Variants in FERRY3 observed in about 807,000 individuals in gnomAD.
FERRY3 encodes the protein FERRY endosomal RAB5 effector complex subunit 3.
the FERRY3 span, among the ~76,000 whole-genome samples, chr12:4,495,571 G>A: frequency 1.3e-5 from 2 of 152,246 alleles, no homozygotes; most frequent in Admixed American, 1.3e-4. Flanking sequence ...CCCACAAATA[G>A]AATACATATT....
At chr12:4,514,369 C>T in the FERRY3 span, among the ~76,000 whole-genome samples, 2 of 151,828 alleles carry the variant, frequency 1.3e-5, no homozygotes, top group African/African-American at 4.9e-5. Flanking sequence ...TTAGAAATAC[C>T]ATTTGACCCA....
At chr12:4,491,081 AG>A in the FERRY3 span, 2 of 1,060,258 alleles carry the variant, frequency 1.9e-6, no homozygotes, top group Non-Finnish European at 2.9e-6. Flanking sequence ...ACTAGATTAC[AG>A]GGGTATCTTT....
At chr12:4,489,840 T>C in the FERRY3 span, 5 of 1,611,116 alleles carry the variant, frequency 3.1e-6, no homozygotes, top group Admixed American at 5.0e-5. Context: ...GTGTTGATGA[T>C]ACTCGGAAGA....
At chr12:4,528,971 ACAAT>A in the FERRY3 span, among the ~76,000 whole-genome samples, 432 of 151,882 alleles carry the variant, frequency 2.8e-3, 1 homozygote, top group Non-Finnish European at 5.3e-3. Context: ...ATATACTCTC[ACAAT>A]CAAAGCAACA....
the FERRY3 span, among the ~76,000 whole-genome samples, chr12:4,528,299 T>C: frequency 6.6e-6 from 1 of 152,182 alleles, no homozygotes. Context: ...AGAAAGTAAT[T>C]AATTAGTATT....
the FERRY3 span, among the ~76,000 whole-genome samples, chr12:4,517,832 C>T: frequency 6.6e-6 from 1 of 151,274 alleles, no homozygotes; most frequent in African/African-American, 2.4e-5. Flanking sequence ...AATGAGAATT[C>T]TATAAAAACA....
chr12:4,510,635 C>T, the FERRY3 span, among the ~76,000 whole-genome samples: 3 of 151,356 alleles, frequency 2.0e-5, no homozygotes, highest in African/African-American at 7.3e-5. Context: ...ATTTCATATC[C>T]AGCCAAACTA....
the FERRY3 span, among the ~76,000 whole-genome samples, chr12:4,531,488 T>G: frequency 6.6e-6 from 1 of 152,168 alleles, no homozygotes; most frequent in African/African-American, 2.4e-5. Flanking sequence ...TATGAATAGG[T>G]AGAAGATACC....
At chr12:4,510,813 A>C in the FERRY3 span, among the ~76,000 whole-genome samples, 4 of 147,042 alleles carry the variant, frequency 2.7e-5, no homozygotes, top group African/African-American at 1.0e-4. Flanking sequence ...AAAGACCATC[A>C]AGACTAGGAA....
chr12:4,535,922 G>T, the FERRY3 span: 3 of 1,061,882 alleles, frequency 2.8e-6, no homozygotes, highest in African/African-American at 1.7e-5. The surrounding 1 kb of genome is among the most constrained non-coding windows in gnomAD (Gnocchi z 4.0). Context: ...TGTTTCCAAA[G>T]CTTCTTAGGT....
chr12:4,510,781 C>A, the FERRY3 span, among the ~76,000 whole-genome samples: 1 of 146,674 alleles, frequency 6.8e-6, no homozygotes, highest in Non-Finnish European at 1.5e-5. Context: ...GTACCAGCCG[C>A]TGCAAAATCA....
At chr12:4,529,383 G>A in the FERRY3 span, among the ~76,000 whole-genome samples, 1 of 152,148 alleles carries the variant, frequency 6.6e-6, no homozygotes, top group African/African-American at 2.4e-5. Flanking sequence ...GCAATACAGA[G>A]GTTCTGAATA....
the FERRY3 span, chr12:4,529,893 A>T: frequency 6.3e-7 from 1 of 1,590,788 alleles, no homozygotes; most frequent in Non-Finnish European, 8.5e-7. Context: ...TTTCAGCTCC[A>T]CATCTCTTTC....
the FERRY3 span, chr12:4,518,790 ACTTT>A: frequency 1.9e-6 from 3 of 1,579,002 alleles, no homozygotes; most frequent in Admixed American, 3.5e-5. Context: ...GAATGGTAAA[ACTTT>A]CTTCTAACTT....
the FERRY3 span, among the ~76,000 whole-genome samples, chr12:4,494,557 T>C: frequency 6.6e-6 from 1 of 152,260 alleles, no homozygotes; most frequent in South Asian, 2.1e-4. Context: ...GAATACCCAG[T>C]TGTTTCAACA....
At chr12:4,506,212 A>G in the FERRY3 span, among the ~76,000 whole-genome samples, 1 of 152,178 alleles carries the variant, frequency 6.6e-6, no homozygotes, top group Non-Finnish European at 1.5e-5. Flanking sequence ...GCTATCTTTA[A>G]GAGATTGCAT....
chr12:4,491,931 T>C, the FERRY3 span, among the ~76,000 whole-genome samples: 1 of 152,196 alleles, frequency 6.6e-6, no homozygotes. Flanking sequence ...CTCTTAAATA[T>C]TAGCCTGGTG....
chr12:4,502,063 G>T, the FERRY3 span, among the ~76,000 whole-genome samples: 3 of 152,174 alleles, frequency 2.0e-5, no homozygotes, highest in African/African-American at 7.2e-5. The surrounding 1 kb of genome is among the most constrained non-coding windows in gnomAD (Gnocchi z 4.2). Context: ...GATTCTCACA[G>T]GGCTGACTTC....
At chr12:4,521,697 A>AAAAC in the FERRY3 span, among the ~76,000 whole-genome samples, 20 of 152,246 alleles carry the variant, frequency 1.3e-4, no homozygotes, top group East Asian at 1.9e-4. Context: ...CGTTGTAAGA[A>AAAAC]AAACAAACAA....
Sources: gnomAD v4.1 joint callset for allele counts (sites outside exome capture counted in the v4.1 genomes callset) on GRCh38, gnomAD v4.1.1 for gene constraint, Gnocchi (gnomAD v3.1) non-coding constraint, MANE v1.5 for transcripts, NCBI Gene and HGNC (gene_info 2026-07-23, HGNC 2026-07-21) for gene names.